The following DLG3 variants were observed in gnomAD, a reference collection of about 807,000 sequenced individuals.
The protein encoded by DLG3 is disks large homolog 3.
Under a neutral mutation model 64.1 loss-of-function variants are expected in DLG3, and 1 was observed. That is an observed-to-expected ratio of 0.02 (90% confidence interval 0.01 to 0.07). The LOEUF is 0.07. Among genes scored for constraint, DLG3 ranks in the 10% least tolerant of loss-of-function variants. DLG3 has a pLI of 1.00. For missense variants in DLG3, 429 were observed against 669.5 expected (o/e 0.64, Z 3.96); for synonymous variants, 245 against 259.8 (o/e 0.94, Z 0.55).
chrX:70,459,137 A>G (rs1465607764), intron 9 of DLG3, among the ~76,000 whole-genome samples: 2 of 111,971 alleles, frequency 1.8e-5, no homozygotes, highest in Admixed American at 1.9e-4. Context: ...TGATCTCAAA[A>G]ACAGGAGGTG....
intron 17 of DLG3, 51 bp from the exon 18 acceptor site, chrX:70,500,847 A>T: frequency 9.3e-7 from 1 of 1,070,024 alleles, no homozygotes; most frequent in South Asian, 2.0e-5. Context: ...CTTTATGGTT[A>T]ATCAGAACAT....
chrX:70,496,188 C>A (rs1175288557), intron 13 of DLG3, among the ~76,000 whole-genome samples: 3 of 112,462 alleles, frequency 2.7e-5, no homozygotes, highest in Non-Finnish European at 5.6e-5. Context: ...CAAATGGGTT[C>A]TATCAGCATA....
chrX:70,460,581 AGTT>A (rs767151819), intron 9 of DLG3, among the ~76,000 whole-genome samples: 5 of 112,532 alleles, frequency 4.4e-5, no homozygotes, highest in Non-Finnish European at 7.5e-5. Flanking sequence ...AGTGAAATGG[AGTT>A]GTATTTGTCA....
Position 70,502,386 on chromosome X carries a change from TA to T in DLG3, c.*118del, listed in dbSNP as rs1471438042. On this transcript the variant is annotated 3_prime_UTR_variant, in exon 19 of 19. Transcript: ENST00000374360. ...ATGCTACTGTTCTTGTCCCCTTTTT[TA>T]GATATGTCAAAAAAAATTAAGTTTT... 7.4e-6 allele frequency: 4 copies of T among 541,829 alleles called. No homozygotes were observed. In the Admixed American group the frequency reaches 1.4e-4, roughly 19 times the overall value. 44.7% of individuals were successfully genotyped at this position (541,829 alleles called of 1,213,427 possible). A position where few individuals can be genotyped will look rare whatever the true frequency, so the allele number is the denominator to read the frequency against.
chrX:70,486,590 C>A (rs917199644), intron 10 of DLG3, among the ~76,000 whole-genome samples: 1 of 111,075 alleles, frequency 9.0e-6, no homozygotes, highest in Non-Finnish European at 1.9e-5. Context: ...ATAATGAGAC[C>A]AGGGTGGCAG....
At chrX:70,450,864 T>G in intron 6 of DLG3, 81 bp downstream of exon 6, 1 of 1,147,175 alleles carries the variant, frequency 8.7e-7, no homozygotes, top group Non-Finnish European at 1.2e-6. Context: ...TACCCTTTGT[T>G]AAGAGAGGGC....
At chrX:70,475,600 C>A (rs1447836599) in intron 9 of DLG3, among the ~76,000 whole-genome samples, 7 of 111,800 alleles carry the variant, frequency 6.3e-5, no homozygotes, top group Non-Finnish European at 1.3e-4. Context: ...GTCACCATGC[C>A]TGGCCAACAT....
At chrX:70,490,800 G>T (rs768467748) in intron 10 of DLG3, among the ~76,000 whole-genome samples, 1 of 112,430 alleles carries the variant, frequency 8.9e-6, no homozygotes, top group East Asian at 2.8e-4. Context: ...AGAATATGAA[G>T]AAGACAGCCT....
chrX:70,484,525 A>G (rs1242390051), intron 10 of DLG3, among the ~76,000 whole-genome samples: 2 of 111,495 alleles, frequency 1.8e-5, no homozygotes, highest in Non-Finnish European at 3.8e-5. Flanking sequence ...TCACTAGCTG[A>G]TAGAATTTGG....
rs149460976 is a variant in DLG3, at chrX:70,475,002, T to C, written c.1406-4148T>C. On this transcript the variant is annotated intron_variant, in intron 9 of 18. Coordinates refer to ENST00000374360, the MANE Select transcript of DLG3 (RefSeq NM_021120.4). ...ATATAATTTGACCCTGCAGTTTCAC[T>C]TCTAGGAATCTATGCAACAGAAATG... Among the ~76,000 whole-genome samples, 12 of 110,826 alleles carry C rather than the reference T, an allele frequency of 1.1e-4. No individual in the cohort carries two copies. The East Asian group carries it at 3.4e-3, about 32-fold the overall frequency.
chrX:70,500,373 A>AC, intron 16 of DLG3, 98 bp from the exon 17 acceptor site: 2 of 539,643 alleles, frequency 3.7e-6, no homozygotes, highest in Non-Finnish European at 6.2e-6. Flanking sequence ...CCTCACCCCC[A>AC]CCCCCGGCCA....
At chrX:70,446,485 G>A (rs2086569929) in intron 1 of DLG3, among the ~76,000 whole-genome samples, 2 of 112,467 alleles carry the variant, frequency 1.8e-5, no homozygotes, top group African/African-American at 6.5e-5. Context: ...CTCTAGAGCA[G>A]GCATGGTGCC....
rs986270625 is a variant in DLG3 at position 70,445,173 on chromosome X, G to T, written c.-29G>T. The T allele has an allele frequency of 9.2e-7, 1 of 1,091,848 alleles. No individual in the cohort carries two copies. Among genetic ancestry groups the T allele is most frequent in the Non-Finnish European group, 1.2e-6 (1 of 815,382 alleles). 90.0% of individuals were successfully genotyped at this position (1,091,848 alleles called of 1,213,427 possible). A position where few individuals can be genotyped will look rare whatever the true frequency, so the allele number is the denominator to read the frequency against. On this transcript the variant is annotated 5_prime_UTR_variant, in exon 1 of 19. Coordinates refer to ENST00000374360, the MANE Select transcript of DLG3 (RefSeq NM_021120.4). ...GGCGGCGTGGAATCCGGCGTGGGCT[G>T]GGGGGTCCGAGCCGCGGGGGGCAGT...
At position 70,477,105 on chromosome X, in the gene DLG3, T is replaced by G. The variant is rs1305934120; in HGVS notation, c.1406-2045T>G. On this transcript the variant is annotated intron_variant, in intron 9 of 18. Transcript: ENST00000374360. ...TTTGAGGAAATGGTGGTTTCGTGGT[T>G]GTTTTTTAAAGGATTTTTAAAGAAA... Among the ~76,000 whole-genome samples, 3 of 112,671 alleles carry G rather than the reference T, an allele frequency of 2.7e-5. No homozygotes were observed. The Admixed American group carries it at 2.8e-4, about 11-fold the overall frequency.
chrX:70,466,247 T>TTGTGTGTGTGTG lies in DLG3; in HGVS notation c.1405+11968_1405+11979dup, dbSNP rs61083333. Among the ~76,000 whole-genome samples the TTGTGTGTGTGTG allele has an allele frequency of 4.6e-4, 39 of 84,419 alleles. 1 individual carries two copies. The highest frequency in any genetic ancestry group is 6.8e-4 in the Admixed American group (5 of 7,329). 73.3% of individuals were successfully genotyped at this position (84,419 alleles called of 115,157 possible). On this transcript the variant is annotated intron_variant, in intron 9 of 18. Coordinates refer to ENST00000374360, the MANE Select transcript of DLG3 (RefSeq NM_021120.4). ...TTGTGTGCAAGTGTTTCTTGGTCATTTGTGTGTGTGTGTGTGTGTGTGTGT... is the reference window on the plus strand; with the variant it reads ...TTGTGTGCAAGTGTTTCTTGGTCATTTGTGTGTGTGTGTGTGTGTGTGTGTGTGTGTGTGTGT...
chrX:70,469,728 G>A (rs1032464141), intron 9 of DLG3, among the ~76,000 whole-genome samples: 17 of 111,535 alleles, frequency 1.5e-4, no homozygotes, highest in African/African-American at 1.3e-4. Flanking sequence ...GATTACAGGC[G>A]TGAGCCACCG....
intron 9 of DLG3, among the ~76,000 whole-genome samples, chrX:70,474,140 C>T (rs2087015274): frequency 4.5e-5 from 5 of 111,767 alleles, no homozygotes; most frequent in Admixed American, 3.8e-4. Flanking sequence ...TGTAGCAGTC[C>T]TTGAAAGTTT....
At chrX:70,499,570 A>G (rs748321443) in intron 15 of DLG3, among the ~76,000 whole-genome samples, 52 of 111,747 alleles carry the variant, frequency 4.7e-4, no homozygotes, top group African/African-American at 1.7e-3. Context: ...TGACTCCATT[A>G]ACAGTTTGTT....
chrX:70,460,847 G>A (rs1161327954), intron 9 of DLG3, among the ~76,000 whole-genome samples: 1 of 111,625 alleles, frequency 9.0e-6, no homozygotes, highest in Non-Finnish European at 1.9e-5. Flanking sequence ...ATATGTGACT[G>A]GCTTCTCTCA....
Sources: allele counts gnomAD v4.1 joint callset (sites outside exome capture counted in the v4.1 genomes callset), GRCh38; gene constraint gnomAD v4.1.1; transcripts MANE v1.5; gene names NCBI Gene and HGNC (gene_info 2026-07-23, HGNC 2026-07-21).